NRXN1: variants seen among roughly 807,000 people sequenced by gnomAD.
NRXN1 encodes neurexin-1.
A neutral mutation model predicts 150.9 loss-of-function variants in NRXN1; 39 were observed. That is an observed-to-expected ratio of 0.26 (90% CI 0.20 to 0.34). NRXN1 has a LOEUF of 0.34. Among genes scored for constraint, NRXN1 ranks in the 10% least tolerant of loss-of-function variants. The pLI is 1.00. For missense variants in NRXN1, 1,815 were observed against 1,949.9 expected, an observed-to-expected ratio of 0.93 and a Z score of 1.30; for synonymous variants, 924 against 757.0, an observed-to-expected ratio of 1.22 and a Z score of -3.62.
intron 17 of NRXN1, among the ~76,000 whole-genome samples, chr2:50,428,043 GC>G (rs1404001381): frequency 6.6e-6 from 1 of 152,126 alleles, no homozygotes; most frequent in Non-Finnish European, 1.5e-5. Flanking sequence ...ATCTTCTGAT[GC>G]TTGCTTTTCC....
At chr2:50,085,271 T>C (rs1272197933) in intron 19 of NRXN1, among the ~76,000 whole-genome samples, 1 of 152,226 alleles carries the variant, frequency 6.6e-6, no homozygotes, top group African/African-American at 2.4e-5. Flanking sequence ...TCAACAACTA[T>C]TTATTAAGCA....
intron 5 of NRXN1, among the ~76,000 whole-genome samples, chr2:50,731,085 T>G (rs1329246986): frequency 6.6e-6 from 1 of 152,210 alleles, no homozygotes; most frequent in African/African-American, 2.4e-5. Context: ...CTGATATTGA[T>G]TTCTGGCTTT....
intron 5 of NRXN1, among the ~76,000 whole-genome samples, chr2:50,679,167 G>T (rs1689986268): frequency 1.3e-5 from 2 of 152,018 alleles, no homozygotes; most frequent in African/African-American, 4.8e-5. Context: ...GATTCCCAAG[G>T]AGAAGATTAG....
intron 5 of NRXN1, among the ~76,000 whole-genome samples, chr2:50,888,325 T>C (rs185789484): frequency 7.9e-5 from 12 of 151,714 alleles, no homozygotes; most frequent in Admixed American, 2.0e-4. Flanking sequence ...TGAGATTTAA[T>C]TGGAGGCAGG....
At position 50,420,981 on chromosome 2, in the gene NRXN1, T is replaced by C. The variant is rs1351746404; in HGVS notation, c.3364+44461A>G. ...ATAGACCTGTGTGTGTGTGTGTGTG[T>C]GTGTGTGTGTGTGTGTGTGTGTGTG... is the stretch of plus-strand genomic sequence containing the variant. On this transcript the variant is annotated intron_variant, in intron 17 of 22. Transcript: ENST00000401669. Among the ~76,000 whole-genome samples, 19 of 143,454 alleles carry C rather than the reference T, an allele frequency of 1.3e-4. No homozygotes were observed. The South Asian group carries it at 4.1e-3, about 31-fold the overall frequency. 94.1% of individuals were successfully genotyped at this position (143,454 alleles called of 152,430 possible). A position where few individuals can be genotyped will look rare whatever the true frequency, so the allele number is the denominator to read the frequency against.
intron 18 of NRXN1, among the ~76,000 whole-genome samples, chr2:50,217,442 G>A (rs1164227995): frequency 6.6e-6 from 1 of 151,812 alleles, no homozygotes; most frequent in East Asian, 1.9e-4. Context: ...AAAAGACAAA[G>A]CTTAAAAAAA....
chr2:50,807,868 C>A (rs1280975360), intron 5 of NRXN1, among the ~76,000 whole-genome samples: 1 of 152,060 alleles, frequency 6.6e-6, no homozygotes. Context: ...ACAATTGTCA[C>A]CTGTTTTCTA....
chr2:50,001,950 C>T lies in NRXN1; in HGVS notation c.4128+51321G>A, dbSNP rs146923358. Reference sequence around the variant, plus strand: ...CTCCTGCTGGCCTTCAAGAAGCAAGCTTCTTGATGCAAGCTGCTAATGGAG... The same window carrying T: ...CTCCTGCTGGCCTTCAAGAAGCAAGTTTCTTGATGCAAGCTGCTAATGGAG... On this transcript the variant is annotated intron_variant, in intron 21 of 22. Transcript: ENST00000401669. 9.9e-5 allele frequency among the ~76,000 whole-genome samples: 15 copies of T among 152,134 alleles called. No homozygotes were observed. In the East Asian group the frequency reaches 2.9e-3, roughly 30 times the overall value.
intron 17 of NRXN1, 74 bp downstream of exon 17, chr2:50,465,368 G>T: frequency 7.0e-7 from 1 of 1,421,554 alleles, no homozygotes; most frequent in South Asian, 1.4e-5. Flanking sequence ...AGGACTTTCA[G>T]TGTTAGACTT....
intron 8 of NRXN1, among the ~76,000 whole-genome samples, chr2:50,574,794 T>A (rs969606205): frequency 7.2e-5 from 11 of 152,188 alleles, no homozygotes; most frequent in African/African-American, 2.4e-4. Flanking sequence ...GATTCCAGGC[T>A]CCATTCAAAG....
At chr2:50,932,186 G>A (rs1000500695) in intron 2 of NRXN1, among the ~76,000 whole-genome samples, 8 of 151,984 alleles carry the variant, frequency 5.3e-5, no homozygotes, top group Non-Finnish European at 8.8e-5. Context: ...TCAGGAGTTC[G>A]AGACTAGCCT....
At chr2:50,680,552 TGGA>T in intron 5 of NRXN1, among the ~76,000 whole-genome samples, 1 of 152,218 alleles carries the variant, frequency 6.6e-6, no homozygotes, top group East Asian at 1.9e-4. Context: ...GTCAATCAAC[TGGA>T]TCCTTTCAAA....
At chr2:50,285,752 C>T (rs1334462260) in intron 17 of NRXN1, among the ~76,000 whole-genome samples, 1 of 151,946 alleles carries the variant, frequency 6.6e-6, no homozygotes, top group Non-Finnish European at 1.5e-5. Flanking sequence ...TACAATCTTT[C>T]AGAAATAACT....
At chr2:50,689,474 A>T (rs1196630947) in intron 5 of NRXN1, among the ~76,000 whole-genome samples, 2 of 152,178 alleles carry the variant, frequency 1.3e-5, no homozygotes, top group Admixed American at 6.5e-5. Flanking sequence ...ACTGGACTCC[A>T]TCCTTTAAAT....
chr2:50,794,386 G>T (rs1706491908), intron 5 of NRXN1, among the ~76,000 whole-genome samples: 1 of 152,048 alleles, frequency 6.6e-6, no homozygotes, highest in Non-Finnish European at 1.5e-5. Context: ...TACTGCTTTA[G>T]ATGGGAAAAG....
chr2:50,146,878 G>C (rs1384306630), intron 18 of NRXN1, among the ~76,000 whole-genome samples: 1 of 151,568 alleles, frequency 6.6e-6, no homozygotes, highest in Admixed American at 6.6e-5. Context: ...CTTTTCTGAA[G>C]GTTTCAATTT....
chr2:50,333,449 C>G (rs541978886), intron 17 of NRXN1, among the ~76,000 whole-genome samples: 1 of 152,160 alleles, frequency 6.6e-6, no homozygotes, highest in Non-Finnish European at 1.5e-5. Flanking sequence ...CAAACATCTC[C>G]CCAATATTAG....
chr2:50,809,532 A>T (rs1667940751), intron 5 of NRXN1, among the ~76,000 whole-genome samples: 1 of 152,090 alleles, frequency 6.6e-6, no homozygotes, highest in South Asian at 2.1e-4. Context: ...TCCCTTCATA[A>T]TTATGTAGAG....
chr2:50,035,513 T>C lies in NRXN1; in HGVS notation c.4128+17758A>G, dbSNP rs116529776. Reference sequence around the variant, plus strand: ...TAAAAAGCAAAATTCTGGAGCTATATTGCAATCCAGATAATATTCTTATCC... The same window carrying C: ...TAAAAAGCAAAATTCTGGAGCTATACTGCAATCCAGATAATATTCTTATCC... On this transcript the variant is annotated intron_variant, in intron 21 of 22. Coordinates refer to ENST00000401669, the MANE Select transcript of NRXN1 (RefSeq NM_001330078.2). Among the ~76,000 whole-genome samples the C allele has an allele frequency of 6.7e-3, 1,027 of 152,262 alleles. 9 individuals carry two copies. The highest frequency in any genetic ancestry group is 0.023 in the African/African-American group (961 of 41,566).
Sources: allele counts gnomAD v4.1 joint callset (sites outside exome capture counted in the v4.1 genomes callset), GRCh38; gene constraint gnomAD v4.1.1; transcripts MANE v1.5; gene names NCBI Gene and HGNC (gene_info 2026-07-23, HGNC 2026-07-21).